TRPM3: variants seen among roughly 807,000 people sequenced by gnomAD.
TRPM3 encodes the protein transient receptor potential cation channel subfamily M member 3.
Under a neutral mutation model 181.2 loss-of-function variants are expected in TRPM3, and 77 were observed. That is an observed-to-expected ratio of 0.42 (90% CI 0.35 to 0.51). The LOEUF (loss-of-function observed/expected upper bound fraction) is 0.51, where lower values mean the gene tolerates loss of function less well. Among genes scored for constraint, TRPM3 ranks in the 20% least tolerant of loss-of-function variants. TRPM3 has a pLI of 0.01. For synonymous variants in TRPM3, 745 were observed against 796.4 expected (o/e 0.94, Z 1.09); for missense variants, 1,759 against 2,196.7 (o/e 0.80, Z 3.98).
At chr9:70,930,974 A>G (rs568695711) in intron 1 of TRPM3, among the ~76,000 whole-genome samples, 1 of 152,130 alleles carries the variant, frequency 6.6e-6, no homozygotes, top group African/African-American at 2.4e-5. Flanking sequence ...ACCTCCAATA[A>G]CTGTATTTTC....
chr9:70,796,881 C>A (rs1428671830), intron 6 of TRPM3, among the ~76,000 whole-genome samples: 3 of 152,180 alleles, frequency 2.0e-5, no homozygotes, highest in African/African-American at 7.2e-5. Context: ...GTAATCCCAG[C>A]ACTTTGGGAG....
rs78063320 is a variant in TRPM3 at position 71,301,086 on chromosome 9, A to G, written c.183+145567T>C. Reference sequence around the variant, plus strand: ...TCCTATGTCTATGCCATTTAAAAGCATAAGAAGAAATACAAGAAAACAGAA... The same window carrying G: ...TCCTATGTCTATGCCATTTAAAAGCGTAAGAAGAAATACAAGAAAACAGAA... On this transcript the variant is annotated intron_variant, in intron 1 of 24. Coordinates refer to the TRPM3 transcript ENST00000357533. 8.1e-3 allele frequency among the ~76,000 whole-genome samples: 1,240 copies of G among 152,310 alleles called. 18 individuals are homozygous for G. Among genetic ancestry groups the G allele is most frequent in the African/African-American group, 0.028 (1,149 of 41,576 alleles).
At chr9:71,163,226 G>A (rs527928777) in intron 1 of TRPM3, among the ~76,000 whole-genome samples, 1 of 152,218 alleles carries the variant, frequency 6.6e-6, no homozygotes, top group African/African-American at 2.4e-5. Flanking sequence ...TGGTGAGATT[G>A]CAAAGAACAT....
chr9:71,257,171 G>C (rs1453408149), intron 1 of TRPM3, among the ~76,000 whole-genome samples: 3 of 152,148 alleles, frequency 2.0e-5, no homozygotes, highest in Admixed American at 6.5e-5. Context: ...ATGGACCAGA[G>C]GAGAAACCCT....
intron 1 of TRPM3, among the ~76,000 whole-genome samples, chr9:70,911,988 T>C (rs2096542991): frequency 6.6e-6 from 1 of 152,162 alleles, no homozygotes; most frequent in Admixed American, 6.5e-5. Context: ...GAATGAGGAT[T>C]GAGGGCCTGG....
At chr9:71,244,225 CATCTT>C (rs2081899674) in intron 1 of TRPM3, among the ~76,000 whole-genome samples, 1 of 152,170 alleles carries the variant, frequency 6.6e-6, no homozygotes, top group Non-Finnish European at 1.5e-5. Context: ...ATGAACTCCT[CATCTT>C]ATAAGAAAAG....
chr9:71,194,595 C>G (rs939999716), intron 1 of TRPM3, among the ~76,000 whole-genome samples: 6 of 151,836 alleles, frequency 4.0e-5, no homozygotes, highest in Non-Finnish European at 8.8e-5. Context: ...TGTAGGAGAG[C>G]CGCCCAACCA....
chr9:71,142,391 G>A (rs1246738264), intron 1 of TRPM3, among the ~76,000 whole-genome samples: 1 of 152,106 alleles, frequency 6.6e-6, no homozygotes, highest in Non-Finnish European at 1.5e-5. Flanking sequence ...AGAAAACACA[G>A]AAGGAAAGTA....
intron 1 of TRPM3, among the ~76,000 whole-genome samples, chr9:70,887,110 C>G (rs996075211): frequency 1.3e-5 from 2 of 152,142 alleles, no homozygotes; most frequent in Non-Finnish European, 2.9e-5. Context: ...CAACCTAACT[C>G]CTACATCACT....
intron 1 of TRPM3, among the ~76,000 whole-genome samples, chr9:70,946,070 A>AT (rs1246477913): frequency 6.6e-6 from 1 of 152,134 alleles, no homozygotes; most frequent in Non-Finnish European, 1.5e-5. Flanking sequence ...ATGATCAAAT[A>AT]TATCTTCTGA....
intron 1 of TRPM3, among the ~76,000 whole-genome samples, chr9:71,075,222 C>A (rs1231188763): frequency 6.6e-6 from 1 of 152,136 alleles, no homozygotes; most frequent in Non-Finnish European, 1.5e-5. Flanking sequence ...TCCTTCAATT[C>A]TTGACTCAGC....
chr9:71,008,836 C>T (rs1200923543), intron 1 of TRPM3, among the ~76,000 whole-genome samples: 2 of 152,226 alleles, frequency 1.3e-5, no homozygotes, highest in Non-Finnish European at 2.9e-5. Context: ...CAGAGTGAGA[C>T]TCCATCTCAA....
At chr9:70,824,038 G>T (rs1458733091) in intron 6 of TRPM3, among the ~76,000 whole-genome samples, 1 of 152,220 alleles carries the variant, frequency 6.6e-6, no homozygotes, top group Non-Finnish European at 1.5e-5. Flanking sequence ...TATGTTTTCA[G>T]TGATCATTGC....
chr9:70,875,372 T>C (rs893867658), intron 1 of TRPM3, among the ~76,000 whole-genome samples: 1 of 151,968 alleles, frequency 6.6e-6, no homozygotes, highest in Non-Finnish European at 1.5e-5. Flanking sequence ...TATAAATTCA[T>C]GCAATCATTT....
At chr9:70,902,096 A>G (rs1172936882) in intron 1 of TRPM3, among the ~76,000 whole-genome samples, 1 of 152,250 alleles carries the variant, frequency 6.6e-6, no homozygotes, top group Admixed American at 6.5e-5. Flanking sequence ...TCAGTAACAC[A>G]CAGAAATTTT....
intron 1 of TRPM3, among the ~76,000 whole-genome samples, chr9:70,909,228 T>C (rs990486768): frequency 6.6e-6 from 1 of 152,200 alleles, no homozygotes; most frequent in Non-Finnish European, 1.5e-5. Context: ...TAGAAGAGTA[T>C]CCTGAGGGCA....
At chr9:70,794,120 T>A (rs542729102) in intron 6 of TRPM3, among the ~76,000 whole-genome samples, 4 of 152,074 alleles carry the variant, frequency 2.6e-5, no homozygotes, top group Non-Finnish European at 5.9e-5. Flanking sequence ...GACTTTAAGA[T>A]GAACTATTCA....
At chr9:71,167,289 T>A (rs146435874) in intron 1 of TRPM3, among the ~76,000 whole-genome samples, 11 of 152,334 alleles carry the variant, frequency 7.2e-5, no homozygotes, top group Non-Finnish European at 1.0e-4. Flanking sequence ...ATTTGCCTTA[T>A]GTGATTTTCC....
At chr9:71,118,689 G>A (rs1397822790) in intron 1 of TRPM3, among the ~76,000 whole-genome samples, 2 of 152,064 alleles carry the variant, frequency 1.3e-5, no homozygotes, top group Non-Finnish European at 2.9e-5. Flanking sequence ...AGCACTACCT[G>A]TTGAATAGGA....
Sources: allele counts gnomAD v4.1 joint callset (sites outside exome capture counted in the v4.1 genomes callset), GRCh38; gene constraint gnomAD v4.1.1; transcripts MANE v1.5; gene names NCBI Gene and HGNC (gene_info 2026-07-23, HGNC 2026-07-21).